AMN1: variants seen among roughly 807,000 people sequenced by gnomAD.
AMN1 encodes the protein protein AMN1 homolog.
Under a neutral mutation model 33.0 loss-of-function variants are expected in AMN1, and 20 were observed. The observed-to-expected ratio is 0.61, with a 90% confidence interval of 0.43 to 0.88. The LOEUF (loss-of-function observed/expected upper bound fraction) is 0.88. Ranked by LOEUF, AMN1 falls within the 40% of genes least tolerant of loss-of-function variation. AMN1 has a pLI of 0.00. For missense variants in AMN1, 246 were observed against 307.4 expected (o/e 0.80, Z 1.49); for synonymous variants, 114 against 111.9 (o/e 1.02, Z -0.12).
chr12:31,709,265 C>A (rs745993535), intron 2 of AMN1, 28 bp downstream of exon 2: 3 of 1,607,168 alleles, frequency 1.9e-6, no homozygotes, highest in East Asian at 2.2e-5. Context: ...ATATAATATG[C>A]TTGCTTTACA....
intron 1 of AMN1, chr12:31,714,497 T>C (rs1399773276): frequency 6.6e-6 from 1 of 152,166 alleles, no homozygotes; most frequent in African/African-American, 2.4e-5. Context: ...CAGCTAATTT[T>C]CTGTATTTCT....
chr12:31,717,461 G>A (rs1939722304), intron 1 of AMN1, among the ~76,000 whole-genome samples: 1 of 152,140 alleles, frequency 6.6e-6, no homozygotes, highest in Admixed American at 6.5e-5. Flanking sequence ...ATTCCTTTGG[G>A]TATATACCCA....
intron 6 of AMN1, among the ~76,000 whole-genome samples, chr12:31,674,707 A>C (rs1449705368): frequency 6.6e-6 from 1 of 152,036 alleles, no homozygotes; most frequent in African/African-American, 2.4e-5. Flanking sequence ...AAACCACATG[A>C]TCATCTCAAT....
At chr12:31,716,326 C>T (rs1314437748) in intron 1 of AMN1, among the ~76,000 whole-genome samples, 3 of 151,992 alleles carry the variant, frequency 2.0e-5, no homozygotes, top group Non-Finnish European at 4.4e-5. Context: ...TATTCTTAGA[C>T]ATGTCTTTTG....
chr12:31,710,818 T>C (rs1939438084), intron 1 of AMN1, among the ~76,000 whole-genome samples: 1 of 152,234 alleles, frequency 6.6e-6, no homozygotes, highest in Non-Finnish European at 1.5e-5. Context: ...GTCAGATTAT[T>C]TTTCAGAAAG....
intron 6 of AMN1, among the ~76,000 whole-genome samples, chr12:31,676,922 T>G (rs1937740511): frequency 2.6e-5 from 4 of 151,830 alleles, no homozygotes; most frequent in Admixed American, 2.6e-4. Context: ...ATAAGAATAT[T>G]CAATGCCTTT....
intron 5 of AMN1, among the ~76,000 whole-genome samples, chr12:31,692,893 G>A (rs1938565470): frequency 6.6e-6 from 1 of 152,070 alleles, no homozygotes; most frequent in Non-Finnish European, 1.5e-5. Context: ...ATAAGGCTAA[G>A]AATGTGATAA....
At chr12:31,679,093 G>A (rs1937878259) in intron 6 of AMN1, among the ~76,000 whole-genome samples, 1 of 152,056 alleles carries the variant, frequency 6.6e-6, no homozygotes, top group South Asian at 2.1e-4. Flanking sequence ...TGGATCTCTT[G>A]AGCCCAAGAG....
At chr12:31,700,891 A>C (rs1016702467) in intron 3 of AMN1, among the ~76,000 whole-genome samples, 5 of 151,614 alleles carry the variant, frequency 3.3e-5, no homozygotes, top group African/African-American at 1.2e-4. Flanking sequence ...GGGTTTCACC[A>C]TGTTAGCCAG....
chr12:31,719,302 T>G (rs1939796219), intron 1 of AMN1: 1 of 971,516 alleles, frequency 1.0e-6, no homozygotes, highest in South Asian at 4.8e-5. Flanking sequence ...TTTAGCCATC[T>G]TGGAAGTGAC....
intron 6 of AMN1, among the ~76,000 whole-genome samples, chr12:31,682,963 CTTTTTTTT>C (rs34868408): frequency 3.6e-5 from 5 of 137,850 alleles, no homozygotes; most frequent in South Asian, 4.5e-4. Context: ...GTATGCTATT[CTTTTTTTT>C]TTTTTTTTTG....
intron 1 of AMN1, 124 bp downstream of exon 1, chr12:31,728,847 G>C: frequency 1.8e-6 from 2 of 1,112,044 alleles, no homozygotes; most frequent in Non-Finnish European, 2.5e-6. Context: ...AAACACACGC[G>C]GGGCCTCTTC....
intron 1 of AMN1, among the ~76,000 whole-genome samples, chr12:31,718,811 C>A (rs1481167828): frequency 2.0e-5 from 3 of 152,240 alleles, no homozygotes; most frequent in African/African-American, 7.2e-5. Flanking sequence ...CCTTGCTGAG[C>A]TGTAGTGGGC....
chr12:31,701,959 A>G lies in AMN1; in HGVS notation c.220T>C (p.Ser74Pro). 6.2e-7 allele frequency: 1 copy of G among 1,610,300 alleles called. No individual in the cohort carries two copies. The highest frequency in any genetic ancestry group is 8.5e-7 in the Non-Finnish European group (1 of 1,178,816). ...QTLDLRSCDI[S>P]DAALLHLSNC... ...GACAGGTGCAGGAGAGCAGCATCTG[A>G]TATATCGCAGCTCCGTAGATCTAGA... Residue 74 changes from serine to proline, a missense_variant, in exon 3 of 7, where the codon TCA becomes CCA. Coordinates refer to ENST00000281471, the MANE Select transcript of AMN1 (RefSeq NM_001113402.2).
In AMN1 at chr12:31,689,764, T is replaced by A. The variant is rs534163520; in HGVS notation, c.592-646A>T. ...ATGATAAAATTATTTTTAAATTTTT[T>A]AAAAATTTCCATAGATTTTTGGGGA... On this transcript the variant is annotated intron_variant, in intron 5 of 6. Coordinates refer to ENST00000281471, the MANE Select transcript of AMN1 (RefSeq NM_001113402.2). Among the ~76,000 whole-genome samples, 240 of 152,354 alleles carry A rather than the reference T, an allele frequency of 1.6e-3. 1 individual carries two copies. The highest frequency in any genetic ancestry group is 5.3e-3 in the African/African-American group (221 of 41,588).
At chr12:31,685,769 C>G (rs551020239) in intron 6 of AMN1, among the ~76,000 whole-genome samples, 1 of 126,908 alleles carries the variant, frequency 7.9e-6, no homozygotes, top group Admixed American at 1.0e-4. Context: ...CCACTGCACT[C>G]CAGCCTGGGC....
chr12:31,709,258 T>C, intron 2 of AMN1, 35 bp downstream of exon 2: 2 of 1,605,116 alleles, frequency 1.2e-6, no homozygotes, highest in Non-Finnish European at 1.7e-6. Context: ...ACAGAAAATA[T>C]AATATGCTTG....
intron 1 of AMN1, among the ~76,000 whole-genome samples, chr12:31,713,430 T>C (rs573839594): frequency 6.6e-6 from 1 of 152,344 alleles, no homozygotes; most frequent in African/African-American, 2.4e-5. Context: ...TGTTTTATAA[T>C]AAAAAATTTC....
rs532776234 is a variant in AMN1 at position 31,719,395 on chromosome 12, A to G, written c.38+9576T>C. ...AGCAAATTTTTCAGAAATTTCAAAA[A>G]TGTAGAGAAAAGGTTAGACATTTTG... On this transcript the variant is annotated intron_variant, in intron 1 of 6. Coordinates refer to ENST00000281471, the MANE Select transcript of AMN1 (RefSeq NM_001113402.2). 4.8e-6 allele frequency: 4 copies of G among 842,098 alleles called. No homozygotes were observed. In the African/African-American group the frequency reaches 5.5e-5, roughly 12 times the overall value. The allele number at this position is 842,098 out of a possible 1,614,324, so 52.2% of individuals were successfully genotyped here.
Sources: gnomAD v4.1 joint callset for allele counts (sites outside exome capture counted in the v4.1 genomes callset) on GRCh38, gnomAD v4.1.1 for gene constraint, MANE v1.5 for transcripts, NCBI Gene and HGNC (gene_info 2026-07-23, HGNC 2026-07-21) for gene names.